PTPRN2: variants seen among roughly 807,000 people sequenced by gnomAD.
The protein encoded by PTPRN2 is receptor-type tyrosine-protein phosphatase N2.
In PTPRN2, 74 loss-of-function variants were observed where a neutral mutation model predicts 118.8. The ratio of observed to expected loss-of-function variants is 0.62; its 90% confidence interval spans 0.52 to 0.76. The LOEUF is 0.76. Ranked by LOEUF, PTPRN2 falls within the 30% of genes least tolerant of loss-of-function variation. PTPRN2 has a pLI of 0.00. For missense variants in PTPRN2, 1,481 were observed against 1,394.4 expected, an observed-to-expected ratio of 1.06 and a Z score of -0.99; for synonymous variants, 641 against 608.0, an observed-to-expected ratio of 1.05 and a Z score of -0.80.
intron 2 of PTPRN2, among the ~76,000 whole-genome samples, chr7:158,371,786 T>C (rs994033527): frequency 1.1e-4 from 17 of 152,222 alleles, no homozygotes; most frequent in African/African-American, 4.1e-4. Context: ...TTTCCAACCG[T>C]AGGTGAATAA....
At chr7:158,579,031 G>A (rs1232118453) in intron 1 of PTPRN2, among the ~76,000 whole-genome samples, 5 of 152,160 alleles carry the variant, frequency 3.3e-5, no homozygotes, top group African/African-American at 4.8e-5. Context: ...CCGAAGTGCT[G>A]GGATTACAGG....
rs1039960173 is a variant in PTPRN2, at chr7:157,832,612, A to G, written c.1788+66061T>C. Among the ~76,000 whole-genome samples, 3 of 152,318 alleles carry G rather than the reference A, an allele frequency of 2.0e-5. No homozygotes were observed. The South Asian group carries it at 6.2e-4, about 32-fold the overall frequency. On this transcript the variant is annotated intron_variant, in intron 12 of 22. Coordinates refer to ENST00000389418, the MANE Select transcript of PTPRN2 (RefSeq NM_002847.5). Reference sequence around the variant, plus strand: ...AAATTGCTGTTAAAAAGAAAAAAAGAAATGGAAACACGAAGGAGCTGCACG... The same window carrying G: ...AAATTGCTGTTAAAAAGAAAAAAAGGAATGGAAACACGAAGGAGCTGCACG...
At chr7:157,757,553 G>A (rs2150999822) in intron 12 of PTPRN2, among the ~76,000 whole-genome samples, 1 of 152,090 alleles carries the variant, frequency 6.6e-6, no homozygotes, top group Non-Finnish European at 1.5e-5. Context: ...CGGGGAAGGC[G>A]GGAGGTGTTA....
chr7:157,682,095 C>T (rs1033037179), intron 13 of PTPRN2, among the ~76,000 whole-genome samples: 6 of 152,236 alleles, frequency 3.9e-5, no homozygotes, highest in Admixed American at 3.3e-4. Context: ...CGCCATAGAA[C>T]TTCCAGAAAC....
chr7:158,170,974 T>TACATACATATATATATAC (rs1468558625), intron 5 of PTPRN2, among the ~76,000 whole-genome samples: 9 of 149,356 alleles, frequency 6.0e-5, no homozygotes, highest in South Asian at 2.1e-4. Context: ...TTCATATATA[T>TACATACATATATATATAC]ACATACATAT....
Position 158,506,877 on chromosome 7 carries a change from T to C in PTPRN2, c.113-17092A>G, listed in dbSNP as rs931241937. Among the ~76,000 whole-genome samples, 23 of 152,132 alleles carry C rather than the reference T, an allele frequency of 1.5e-4. 1 individual carries two copies. The highest frequency in any genetic ancestry group is 5.3e-4 in the African/African-American group (22 of 41,510). ...ATGGTTGCAAGAGCAGGATGGCAGGTGCATGGGCAGAGACACTAGGGCCAG... is the reference window on the plus strand; with the variant it reads ...ATGGTTGCAAGAGCAGGATGGCAGGCGCATGGGCAGAGACACTAGGGCCAG... On this transcript the variant is annotated intron_variant, in intron 1 of 22. Coordinates refer to ENST00000389418, the MANE Select transcript of PTPRN2 (RefSeq NM_002847.5).
chr7:157,626,968 G>A (rs1284030131), intron 14 of PTPRN2, among the ~76,000 whole-genome samples: 1 of 152,240 alleles, frequency 6.6e-6, no homozygotes, highest in African/African-American at 2.4e-5. Flanking sequence ...TCAGCTCATT[G>A]AGTGTTCCTG....
intron 6 of PTPRN2, among the ~76,000 whole-genome samples, chr7:158,166,217 C>T (rs182656174): frequency 8.7e-5 from 13 of 150,242 alleles, no homozygotes; most frequent in African/African-American, 2.9e-4. Flanking sequence ...GAAGGGAACA[C>T]ACACTGTCCT....
At chr7:157,698,169 C>T (rs1279871823) in intron 12 of PTPRN2, among the ~76,000 whole-genome samples, 3 of 152,174 alleles carry the variant, frequency 2.0e-5, no homozygotes, top group Admixed American at 1.3e-4. Context: ...TAAGATATAG[C>T]TATAAAATCA....
intron 12 of PTPRN2, among the ~76,000 whole-genome samples, chr7:157,692,813 C>G (rs888689864): frequency 3.9e-5 from 6 of 152,054 alleles, no homozygotes; most frequent in Non-Finnish European, 7.4e-5. Flanking sequence ...GTCCCCCCTG[C>G]CCAGGGCAAG....
At chr7:158,033,269 G>A (rs2128883557) in intron 11 of PTPRN2, among the ~76,000 whole-genome samples, 1 of 152,322 alleles carries the variant, frequency 6.6e-6, no homozygotes. Context: ...TGACTACCTG[G>A]GCAGTGGAGG....
At chr7:158,074,164 C>A (rs6961856) in intron 11 of PTPRN2, among the ~76,000 whole-genome samples, 60,847 of 152,046 alleles carry the variant, frequency 0.4, 12,999 homozygotes, top group African/African-American at 0.55. Flanking sequence ...ATGACCGTCA[C>A]ACCGTCAGCA....
intron 5 of PTPRN2, among the ~76,000 whole-genome samples, chr7:158,187,315 T>TGA (rs1249277352): frequency 3.3e-5 from 5 of 152,266 alleles, no homozygotes. Flanking sequence ...GTTTCATTTT[T>TGA]GATGATGGGT....
chr7:158,407,958 T>TC (rs1359709554), intron 2 of PTPRN2, among the ~76,000 whole-genome samples: 1 of 152,176 alleles, frequency 6.6e-6, no homozygotes, highest in Admixed American at 6.5e-5. Flanking sequence ...TTAAAGTCCC[T>TC]CCTCATCTTC....
intron 2 of PTPRN2, among the ~76,000 whole-genome samples, chr7:158,386,366 C>T (rs1245373685): frequency 3.6e-5 from 5 of 138,122 alleles, no homozygotes; most frequent in South Asian, 2.4e-4. Context: ...TCCCGTGCCC[C>T]AAGTCCCTCC....
At chr7:157,548,920 C>T (rs1222903215) in intron 22 of PTPRN2, 26 bp downstream of exon 22, 9 of 1,607,612 alleles carry the variant, frequency 5.6e-6, no homozygotes, top group African/African-American at 1.3e-5. Context: ...AATGGGTCTG[C>T]GTCCCGGAGG....
At chr7:157,602,244 C>T (rs1297989005) in intron 16 of PTPRN2, among the ~76,000 whole-genome samples, 1 of 152,258 alleles carries the variant, frequency 6.6e-6, no homozygotes, top group Admixed American at 6.5e-5. Flanking sequence ...TGAATTCAGT[C>T]TCTCAAAGCT....
chr7:158,077,451 G>A (rs1441718908), intron 11 of PTPRN2, among the ~76,000 whole-genome samples: 3 of 152,150 alleles, frequency 2.0e-5, no homozygotes, highest in East Asian at 3.9e-4. Context: ...GTGTCTTAGA[G>A]GCTGTCAGGT....
At chr7:158,213,840 A>G (rs1827780313) in intron 3 of PTPRN2, among the ~76,000 whole-genome samples, 1 of 152,200 alleles carries the variant, frequency 6.6e-6, no homozygotes, top group Non-Finnish European at 1.5e-5. Context: ...AATGGCACAA[A>G]AAGAACTTTT....
Sources: allele counts gnomAD v4.1 joint callset (sites outside exome capture counted in the v4.1 genomes callset), GRCh38; gene constraint gnomAD v4.1.1; transcripts MANE v1.5; gene names NCBI Gene and HGNC (gene_info 2026-07-23, HGNC 2026-07-21).